LRRC28: variants seen among roughly 807,000 people sequenced by gnomAD.
LRRC28 encodes the protein leucine rich repeat containing 28.
A neutral mutation model predicts 45.7 loss-of-function variants in LRRC28; 39 were observed. The observed-to-expected ratio is 0.85, with a 90% CI of 0.66 to 1.12. LRRC28 has a LOEUF of 1.12. LRRC28 is among the 50% of genes most tolerant of loss of function. The probability of loss-of-function intolerance (pLI) is 0.00; values close to 1 mark genes in which losing one functional copy is unlikely to be tolerated. For synonymous variants in LRRC28, 206 were observed against 178.8 expected (o/e 1.15, Z -1.22); for missense variants, 435 against 438.5 (o/e 0.99, Z 0.07).
intron 2 of LRRC28, among the ~76,000 whole-genome samples, chr15:99,272,249 A>G (rs564131822): frequency 6.6e-6 from 1 of 152,274 alleles, no homozygotes; most frequent in East Asian, 1.9e-4. Flanking sequence ...TCTACACTGT[A>G]CTAGTCTCTC....
At chr15:99,303,907 T>TC (rs929148761) in intron 5 of LRRC28, among the ~76,000 whole-genome samples, 2 of 151,958 alleles carry the variant, frequency 1.3e-5, no homozygotes, top group Non-Finnish European at 2.9e-5. Context: ...CAGAGCATTG[T>TC]CCCCCCCACT....
At chr15:99,281,779 G>A (rs1009894534) in intron 3 of LRRC28, among the ~76,000 whole-genome samples, 6 of 152,082 alleles carry the variant, frequency 3.9e-5, no homozygotes, top group African/African-American at 1.4e-4. Flanking sequence ...AGGATAGGTG[G>A]TTAGGTTAGC....
intron 9 of LRRC28, among the ~76,000 whole-genome samples, chr15:99,376,741 G>C (rs1458095480): frequency 6.6e-6 from 1 of 151,916 alleles, no homozygotes; most frequent in South Asian, 2.1e-4. Context: ...TCCCCTTCCT[G>C]TGTCCATGTG....
chr15:99,363,063 C>T, intron 8 of LRRC28, 43 bp from the exon 9 acceptor site: 1 of 1,572,474 alleles, frequency 6.4e-7, no homozygotes, highest in African/African-American at 1.4e-5. Flanking sequence ...TTAAGGAAGT[C>T]TGATTTTTTT....
intron 2 of LRRC28, 21 bp downstream of exon 2, chr15:99,256,146 A>G (rs778478825): frequency 1.9e-6 from 3 of 1,572,532 alleles, no homozygotes; most frequent in Non-Finnish European, 2.6e-6. Flanking sequence ...ATATTACACT[A>G]CTGAAAAATT....
chr15:99,252,514 G>A (rs1383051697), intron 1 of LRRC28, among the ~76,000 whole-genome samples: 2 of 152,200 alleles, frequency 1.3e-5, no homozygotes, highest in African/African-American at 4.8e-5. Context: ...GCATTATAGG[G>A]CGGCGGTGCA....
At chr15:99,275,618 A>C (rs548819819) in intron 2 of LRRC28, among the ~76,000 whole-genome samples, 39 of 152,320 alleles carry the variant, frequency 2.6e-4, no homozygotes, top group Admixed American at 1.8e-3. Context: ...ACAGTTCTTG[A>C]GGCAGGGAGT....
At chr15:99,385,925 A>G (rs777531523) in intron 9 of LRRC28, 105 bp from the exon 10 acceptor site, 19 of 968,242 alleles carry the variant, frequency 2.0e-5, no homozygotes, top group Non-Finnish European at 3.0e-5. Context: ...TTTGTTGACC[A>G]TGGCTAATCC....
chr15:99,346,697 A>C (rs969541895), intron 6 of LRRC28, among the ~76,000 whole-genome samples: 1 of 152,198 alleles, frequency 6.6e-6, no homozygotes. Flanking sequence ...TATTTTGTTT[A>C]TACTAAAGCC....
intron 3 of LRRC28, chr15:99,284,609 C>T (rs1368530484): frequency 1.6e-5 from 8 of 500,372 alleles, no homozygotes; most frequent in Admixed American, 1.0e-4. Flanking sequence ...AGCTTTGTTT[C>T]CTGGCAGTAA....
At chr15:99,372,773 T>C (rs865977208) in intron 9 of LRRC28, among the ~76,000 whole-genome samples, 1 of 152,204 alleles carries the variant, frequency 6.6e-6, no homozygotes, top group Non-Finnish European at 1.5e-5. Context: ...TCCGTTCTTA[T>C]GCTGCTGTGC....
chr15:99,297,057 T>A (rs1412173012), intron 5 of LRRC28, among the ~76,000 whole-genome samples: 2 of 151,680 alleles, frequency 1.3e-5, no homozygotes, highest in African/African-American at 4.8e-5. Flanking sequence ...GGTGGGCGCC[T>A]GTAATCCCAG....
At chr15:99,290,900 A>C (rs2082105279) in intron 5 of LRRC28, among the ~76,000 whole-genome samples, 2 of 152,080 alleles carry the variant, frequency 1.3e-5, no homozygotes. Context: ...CCAGGATATC[A>C]AGGGCTGCAG....
At chr15:99,347,800 AG>A (rs1956743148) in intron 6 of LRRC28, among the ~76,000 whole-genome samples, 1 of 152,124 alleles carries the variant, frequency 6.6e-6, no homozygotes, top group African/African-American at 2.4e-5. Context: ...TACCCAGGAG[AG>A]GGATTGCTGA....
chr15:99,373,915 A>G (rs1957553045), intron 9 of LRRC28, among the ~76,000 whole-genome samples: 4 of 152,330 alleles, frequency 2.6e-5, no homozygotes, highest in South Asian at 2.1e-4. Context: ...CTCTGTTAAT[A>G]TAATTGTATT....
At chr15:99,304,843 C>G (rs945738178) in intron 5 of LRRC28, among the ~76,000 whole-genome samples, 6 of 152,128 alleles carry the variant, frequency 3.9e-5, no homozygotes, top group African/African-American at 1.4e-4. Context: ...GATCACGACC[C>G]TATTCAGTAT....
Position 99,387,275 on chromosome 15 carries a change from T to G in LRRC28, c.*1173T>G, listed in dbSNP as rs1347369380. ...CGGGGTTTCACCGTGTTAGCCGGGATGGTCTCGATCTCCTGACCTCGTGAT... is the reference window on the plus strand; with the variant it reads ...CGGGGTTTCACCGTGTTAGCCGGGAGGGTCTCGATCTCCTGACCTCGTGAT... On this transcript the variant is annotated 3_prime_UTR_variant, in exon 10 of 10. Transcript: ENST00000301981. 3 of 151,704 alleles carry G rather than the reference T, an allele frequency of 2.0e-5. No individual in the cohort carries two copies. The highest frequency in any genetic ancestry group is 2.9e-5 in the Non-Finnish European group (2 of 67,926). The allele number at this position is 151,704 out of a possible 1,614,324, so 9.4% of individuals were successfully genotyped here. A position where few individuals can be genotyped will look rare whatever the true frequency, so the allele number is the denominator to read the frequency against.
chr15:99,282,406 T>C (rs1042164654), intron 3 of LRRC28, among the ~76,000 whole-genome samples: 1 of 152,158 alleles, frequency 6.6e-6, no homozygotes, highest in African/African-American at 2.4e-5. Flanking sequence ...CCTAGTTGCC[T>C]TTGTTAATAT....
chr15:99,264,170 T>C (rs1353556872), intron 2 of LRRC28, among the ~76,000 whole-genome samples: 1 of 152,202 alleles, frequency 6.6e-6, no homozygotes, highest in Non-Finnish European at 1.5e-5. Context: ...CCCCATTAGC[T>C]GGGGTTGGAC....
Sources: gnomAD v4.1 joint callset for allele counts (sites outside exome capture counted in the v4.1 genomes callset) on GRCh38, gnomAD v4.1.1 for gene constraint, MANE v1.5 for transcripts, NCBI Gene and HGNC (gene_info 2026-07-23, HGNC 2026-07-21) for gene names.